Variants in IKZF3 observed in about 807,000 individuals in gnomAD.
The protein encoded by IKZF3 is zinc finger protein Aiolos.
In IKZF3, 10 loss-of-function variants were observed where a neutral mutation model predicts 49.0. The observed-to-expected ratio is 0.20, with a 90% CI of 0.13 to 0.35. IKZF3 has a LOEUF of 0.35. Among genes scored for constraint, IKZF3 ranks in the 10% least tolerant of loss-of-function variants. The pLI is 1.00. For synonymous variants in IKZF3, 209 were observed against 228.2 expected (o/e 0.92, Z 0.76); for missense variants, 498 against 664.8 (o/e 0.75, Z 2.76).
intron 3 of IKZF3, among the ~76,000 whole-genome samples, chr17:39,827,992 A>ACTAT (rs2062002769): frequency 6.6e-6 from 1 of 152,108 alleles, no homozygotes; most frequent in East Asian, 1.9e-4. Context: ...TGCTGATATG[A>ACTAT]CTATACAATT....
chr17:39,805,321 C>T (rs1249702057), intron 3 of IKZF3, among the ~76,000 whole-genome samples: 1 of 152,130 alleles, frequency 6.6e-6, no homozygotes, highest in African/African-American at 2.4e-5. Context: ...AAAAATTGTA[C>T]AGATTGCAAT....
chr17:39,792,540 C>CAG, intron 4 of IKZF3, 133 bp downstream of exon 4: 1 of 882,004 alleles, frequency 1.1e-6, no homozygotes. Flanking sequence ...AACAGCAATG[C>CAG]AGAGAGAGAG....
chr17:39,789,726 T>TCAAA (rs143282055), intron 5 of IKZF3, among the ~76,000 whole-genome samples: 7,853 of 137,068 alleles, frequency 0.057, 413 homozygotes, highest in African/African-American at 0.13. Flanking sequence ...AGACACCATC[T>TCAAA]CAAACAAACA....
chr17:39,839,994 TG>T (rs2062418749), intron 1 of IKZF3, among the ~76,000 whole-genome samples: 1 of 152,010 alleles, frequency 6.6e-6, no homozygotes, highest in Admixed American at 6.6e-5. Flanking sequence ...GCAACTAACT[TG>T]CCTTGGCTTA....
intron 1 of IKZF3, among the ~76,000 whole-genome samples, chr17:39,860,996 A>C: frequency 6.6e-6 from 1 of 152,240 alleles, no homozygotes. Context: ...TTTATCAAAG[A>C]ATTACTAGCC....
intron 1 of IKZF3, among the ~76,000 whole-genome samples, chr17:39,858,615 G>A (rs9915797): frequency 0.093 from 14,105 of 151,558 alleles, 1,348 homozygotes; most frequent in African/African-American, 0.25. Context: ...GGTTCAACCA[G>A]TTCTCCTGTC....
intron 6 of IKZF3, 119 bp from the exon 7 acceptor site, chr17:39,777,886 T>A (rs1273580662): frequency 6.9e-7 from 1 of 1,447,284 alleles, no homozygotes. Flanking sequence ...TGTTGTTACC[T>A]GTTATAACTG....
rs1444999299 is a variant in IKZF3 at position 39,845,664 on chromosome 17, C to T, written c.8-13513G>A. Among the ~76,000 whole-genome samples the T allele has an allele frequency of 2.0e-5, 3 of 152,194 alleles. 1 individual carries two copies. The East Asian group carries it at 5.8e-4, about 29-fold the overall frequency. On this transcript the variant is annotated intron_variant, in intron 1 of 7. Coordinates refer to ENST00000346872, the MANE Select transcript of IKZF3 (RefSeq NM_012481.5). ...ACCATATGACCTGCAAAGCCTAAAA[C>T]ATTCACTATCTGGTCCTTTACAGAA...
chr17:39,773,923 T>C (rs1475150781), intron 7 of IKZF3, among the ~76,000 whole-genome samples: 1 of 145,396 alleles, frequency 6.9e-6, no homozygotes, highest in Non-Finnish European at 1.5e-5. Flanking sequence ...GTAAAGATGG[T>C]GATTCCTGAT....
At chr17:39,775,741 A>G (rs1042223323) in intron 7 of IKZF3, among the ~76,000 whole-genome samples, 1 of 152,124 alleles carries the variant, frequency 6.6e-6, no homozygotes, top group African/African-American at 2.4e-5. Context: ...CCTGACCAAC[A>G]TGGAGAAACC....
At chr17:39,790,679 T>G (rs1460038715) in intron 5 of IKZF3, among the ~76,000 whole-genome samples, 2 of 152,150 alleles carry the variant, frequency 1.3e-5, no homozygotes, top group Non-Finnish European at 2.9e-5. Context: ...AGTATTATCT[T>G]GGTCAAAATA....
Position 39,761,564 on chromosome 17 carries a change from A to G in IKZF3, c.*4226T>C, listed in dbSNP as rs1201474541. On this transcript the variant is annotated 3_prime_UTR_variant, in exon 8 of 8. Transcript: ENST00000346872. ...CCCTGGTCCTCTAAAATATACATAC[A>G]TATATATACATATACAAAAAAAATA... The G allele has an allele frequency of 7.5e-6, 1 of 134,170 alleles. No homozygotes were observed. The highest frequency in any genetic ancestry group is 2.1e-4 in the South Asian group (1 of 4,656). 8.3% of individuals were successfully genotyped at this position (134,170 alleles called of 1,614,324 possible). A position where few individuals can be genotyped will look rare whatever the true frequency, so the allele number is the denominator to read the frequency against.
At chr17:39,809,015 C>T (rs952059971) in intron 3 of IKZF3, among the ~76,000 whole-genome samples, 3 of 152,156 alleles carry the variant, frequency 2.0e-5, no homozygotes, top group African/African-American at 4.8e-5. Context: ...AACAAAGGCC[C>T]TGGCTGAGAT....
intron 6 of IKZF3, among the ~76,000 whole-genome samples, chr17:39,783,982 A>T (rs2060810498): frequency 1.3e-5 from 2 of 152,218 alleles, no homozygotes; most frequent in Admixed American, 6.5e-5. Context: ...AAACAAACTT[A>T]AAAATTTTTA....
intron 1 of IKZF3, among the ~76,000 whole-genome samples, chr17:39,846,970 G>A (rs1024925486): frequency 6.6e-6 from 1 of 151,986 alleles, no homozygotes; most frequent in Non-Finnish European, 1.5e-5. Flanking sequence ...ATCTCTGAAT[G>A]TTGATATTCC....
At chr17:39,808,003 T>G (rs2061472036) in intron 3 of IKZF3, among the ~76,000 whole-genome samples, 1 of 152,176 alleles carries the variant, frequency 6.6e-6, no homozygotes, top group African/African-American at 2.4e-5. Context: ...ATTGAACATT[T>G]AAAGTATGTA....
intron 1 of IKZF3, among the ~76,000 whole-genome samples, chr17:39,842,188 T>C (rs1200064815): frequency 6.6e-6 from 1 of 152,126 alleles, no homozygotes; most frequent in South Asian, 2.1e-4. Flanking sequence ...CTAAATATTA[T>C]TCTCCATTTA....
intron 7 of IKZF3, among the ~76,000 whole-genome samples, chr17:39,767,275 T>C (rs776395575): frequency 5.9e-5 from 9 of 152,188 alleles, no homozygotes; most frequent in Non-Finnish European, 1.3e-4. Flanking sequence ...ATACTTGTGG[T>C]CACCCTCTCC....
At chr17:39,841,893 A>C (rs189590869) in intron 1 of IKZF3, among the ~76,000 whole-genome samples, 9 of 152,190 alleles carry the variant, frequency 5.9e-5, no homozygotes, top group Admixed American at 5.9e-4. Flanking sequence ...AAAAAATATT[A>C]AAATTAGAAG....
Sources: gnomAD v4.1 joint callset for allele counts (sites outside exome capture counted in the v4.1 genomes callset) on GRCh38, gnomAD v4.1.1 for gene constraint, MANE v1.5 for transcripts, NCBI Gene and HGNC (gene_info 2026-07-23, HGNC 2026-07-21) for gene names.